SZT2: variants seen among roughly 807,000 people sequenced by gnomAD.
The protein encoded by SZT2 is SZT2 subunit of KICSTOR complex.
A neutral mutation model predicts 404.2 loss-of-function variants in SZT2; 216 were observed. The ratio of observed to expected loss-of-function variants is 0.53; its 90% CI spans 0.48 to 0.60. The LOEUF (loss-of-function observed/expected upper bound fraction) is 0.60, where lower values mean the gene tolerates loss of function less well. Among genes scored for constraint, SZT2 ranks in the 20% least tolerant of loss-of-function variants. The probability of loss-of-function intolerance (pLI) is 0.00; values close to 1 mark genes in which losing one functional copy is unlikely to be tolerated. For synonymous variants in SZT2, 1,693 were observed against 1,749.9 expected (o/e 0.97, Z 0.81); for missense variants, 3,857 against 4,459.2 (o/e 0.86, Z 3.85).
chr1:43,442,800 G>A lies in SZT2; in HGVS notation c.8152-19G>A, dbSNP rs370632875. 13 of 1,582,946 alleles carry A rather than the reference G, an allele frequency of 8.2e-6. No homozygotes were observed. The African/African-American group carries it at 1.5e-4, about 18-fold the overall frequency. On this transcript the variant is annotated intron_variant, in intron 58 of 71. Coordinates refer to ENST00000634258, the MANE Select transcript of SZT2 (RefSeq NM_001365999.1). The surrounding 1 kb of genome is among the most constrained non-coding windows in gnomAD (Gnocchi z 4.5). Reference sequence around the variant, plus strand: ...CGAGGGCAAAGGCTATGAACCCATTGCAATGCTCCATCTCTCAGGAGCCAA... The same window carrying A: ...CGAGGGCAAAGGCTATGAACCCATTACAATGCTCCATCTCTCAGGAGCCAA...
rs139763113 is a variant in SZT2, at chr1:43,425,323, G to A, written c.2645+116G>A. On this transcript the variant is annotated intron_variant, in intron 18 of 71. Transcript: ENST00000634258. This position sits in a 1 kb window ranked among gnomAD's most constrained non-coding sequence, Gnocchi z 4.3. ...TCTTGATCCCAAAGTCAGGGAGGGGGTGCGGTGTTTAGATGCTTCATCAGG... is the reference window on the plus strand; with the variant it reads ...TCTTGATCCCAAAGTCAGGGAGGGGATGCGGTGTTTAGATGCTTCATCAGG... 10 of 1,511,516 alleles carry A rather than the reference G, an allele frequency of 6.6e-6. No individual in the cohort carries two copies. The highest frequency in any genetic ancestry group is 1.2e-5 in the South Asian group (1 of 81,922). 93.6% of individuals were successfully genotyped at this position (1,511,516 alleles called of 1,614,324 possible). A position where few individuals can be genotyped will look rare whatever the true frequency, so the allele number is the denominator to read the frequency against.
In SZT2 at chr1:43,389,963, T is replaced by C. The variant is rs1306937013; in HGVS notation, c.-6T>C. 1 of 1,430,514 alleles carries C rather than the reference T, an allele frequency of 7.0e-7. No individual in the cohort carries two copies. Among genetic ancestry groups the C allele is most frequent in the East Asian group, 2.8e-5 (1 of 36,248 alleles). The allele number at this position is 1,430,514 out of a possible 1,614,324, so 88.6% of individuals were successfully genotyped here. A position where few individuals can be genotyped will look rare whatever the true frequency, so the allele number is the denominator to read the frequency against. ...CTGGCCCGGGCCGGCGCGGGAGGGC[T>C]GTGTGATGGCCTCGGAGCGCCCGGA... On this transcript the variant is annotated 5_prime_UTR_variant, in exon 1 of 72. Transcript: ENST00000634258.
intron 61 of SZT2, 58 bp from the exon 62 acceptor site, chr1:43,443,539 C>CA: frequency 6.2e-7 from 1 of 1,611,444 alleles, no homozygotes; most frequent in Non-Finnish European, 8.5e-7. Context: ...CCCCCTCCTC[C>CA]ATCCCCAGCA....
Position 43,426,749 on chromosome 1 carries a change from C to A in SZT2, c.3249C>A (p.Ile1083=). Residue 1083 remains isoleucine (I), a synonymous_variant, in exon 23 of 72, where the codon ATC becomes ATA. Coordinates refer to ENST00000634258, the MANE Select transcript of SZT2 (RefSeq NM_001365999.1). This position sits in a 1 kb window ranked among gnomAD's most constrained non-coding sequence, Gnocchi z 4.9. ...AEGPLLGVHG[I]PKEQAVGSTQ... is the part of the protein sequence containing the mutation. ...GGCCACTGCTGGGGGTTCATGGGATCCCGAAGGAGCAAGCAGTCGGCAGCA... is the reference window on the plus strand; with the variant it reads ...GGCCACTGCTGGGGGTTCATGGGATACCGAAGGAGCAAGCAGTCGGCAGCA... 6.2e-7 allele frequency: 1 copy of A among 1,613,468 alleles called. No individual in the cohort carries two copies. Among genetic ancestry groups the A allele is most frequent in the Non-Finnish European group, 8.5e-7 (1 of 1,179,778 alleles).
rs778704314 is a variant in SZT2 at position 43,404,356 on chromosome 1, T to C, written c.328-24T>C. ...GGTTAGGGCTGCCTTTGGACCCCCT[T>C]GAGTGCTCTTTCTCTGCCCTCAGGA... is the stretch of plus-strand genomic sequence containing the variant. On this transcript the variant is annotated intron_variant, in intron 3 of 71. Coordinates refer to ENST00000634258, the MANE Select transcript of SZT2 (RefSeq NM_001365999.1). The C allele has an allele frequency of 5.0e-6, 8 of 1,601,556 alleles. No individual in the cohort carries two copies. In the East Asian group the frequency reaches 9.0e-5, roughly 18 times the overall value.
rs1656567198 is a variant in SZT2 at position 43,452,606 on chromosome 1, C to T, written c.*2126C>T. 5 of 597,500 alleles carry T rather than the reference C, an allele frequency of 8.4e-6. No individual in the cohort carries two copies. In the South Asian group the frequency reaches 9.8e-5, roughly 12 times the overall value. 37.0% of individuals were successfully genotyped at this position (597,500 alleles called of 1,614,324 possible). A position where few individuals can be genotyped will look rare whatever the true frequency, so the allele number is the denominator to read the frequency against. ...TCCGCAACCTGTAACCTGCTAAATT[C>T]TCACCTTTAAAAATTGTCCTGACCT... On this transcript the variant is annotated 3_prime_UTR_variant, in exon 72 of 72. Transcript: ENST00000634258.
In SZT2 at chr1:43,421,251, G is replaced by T. The variant is rs776082591; in HGVS notation, c.1574G>T (p.Ser525Ile). The T allele has an allele frequency of 6.3e-7, 1 of 1,598,578 alleles. No homozygotes were observed. Among genetic ancestry groups the T allele is most frequent in the Admixed American group, 1.7e-5 (1 of 60,018 alleles). ...SVPEHFTLPD[S>I]TKSGVPLFYI... ...CCTGAGCATTTCACGCTTCCTGACAGCACCAAGAGCGGAGTGCCACTCTTC... is the reference window on the plus strand; with the variant it reads ...CCTGAGCATTTCACGCTTCCTGACATCACCAAGAGCGGAGTGCCACTCTTC... Residue 525 changes from serine (S) to isoleucine (I), a missense_variant, in exon 11 of 72, where the codon AGC (serine) becomes ATC (isoleucine). Coordinates refer to ENST00000634258, the MANE Select transcript of SZT2 (RefSeq NM_001365999.1).
At position 43,424,691 on chromosome 1, in the gene SZT2, TGC is replaced by T; in HGVS notation, c.2472-92_2472-91del. 8.8e-7 allele frequency: 1 copy of T among 1,136,030 alleles called. No homozygotes were observed. The allele number at this position is 1,136,030 out of a possible 1,614,324, so 70.4% of individuals were successfully genotyped here. On this transcript the variant is annotated intron_variant, in intron 16 of 71. Transcript: ENST00000634258. This position sits in a 1 kb window ranked among gnomAD's most constrained non-coding sequence, Gnocchi z 4.1. ...GCAGCAGACTTGGCTCCTTGAGGAC[TGC>T]TGGGAGGTGGGTGTATGTGGGGAGA... is the stretch of plus-strand genomic sequence containing the variant.
chr1:43,428,845 A>G (rs1243629597), intron 28 of SZT2: 1 of 248,590 alleles, frequency 4.0e-6, no homozygotes, highest in African/African-American at 2.2e-5. Context: ...CCAAAACTGT[A>G]TTTTGCTCAC....
rs760377271 is a variant in SZT2 at position 43,437,885 on chromosome 1, A to G, written c.6491A>G (p.His2164Arg). The change falls in exon 46 of 72, where the codon CAT (histidine) becomes CGT (arginine). Residue 2164 changes from histidine to arginine, a missense_variant. His to Arg is a conservative substitution (Grantham distance 29). Coordinates refer to ENST00000634258, the MANE Select transcript of SZT2 (RefSeq NM_001365999.1). The surrounding 1 kb of genome is among the most constrained non-coding windows in gnomAD (Gnocchi z 5.3). ...QVDRHIQLLV[H>R]GVGQAGPEIT... is the part of the protein sequence containing the mutation. ...GACAGACATATCCAGCTGCTGGTCCATGGTGTTGGGCAGGCAGGTAAGGTC... is the reference window on the plus strand; with the variant it reads ...GACAGACATATCCAGCTGCTGGTCCGTGGTGTTGGGCAGGCAGGTAAGGTC... The G allele has an allele frequency of 1.2e-6, 2 of 1,614,114 alleles. No homozygotes were observed. The highest frequency in any genetic ancestry group is 1.7e-6 in the Non-Finnish European group (2 of 1,180,022).
At chr1:43,393,738 G>T (rs978130382) in intron 1 of SZT2, among the ~76,000 whole-genome samples, 8 of 152,322 alleles carry the variant, frequency 5.3e-5, no homozygotes, top group African/African-American at 1.9e-4. Context: ...TAATGAGATG[G>T]ACCATGCTTC....
In SZT2 at chr1:43,439,688, C is replaced by T. The variant is rs776699964; in HGVS notation, c.6961C>T (p.Pro2321Ser). 160 of 1,611,826 alleles carry T rather than the reference C, an allele frequency of 9.9e-5. No individual in the cohort carries two copies. Among genetic ancestry groups the T allele is most frequent in the Non-Finnish European group, 1.3e-4 (154 of 1,178,958 alleles). Residue 2321 changes from proline to serine, a missense_variant, in exon 50 of 72, where the codon CCC becomes TCC. By Grantham distance (74) the Pro-to-Ser change is moderately conservative. Coordinates refer to ENST00000634258, the MANE Select transcript of SZT2 (RefSeq NM_001365999.1). This position sits in a 1 kb window ranked among gnomAD's most constrained non-coding sequence, Gnocchi z 4.2. ...GTTGTGGCCCCCCTCCTCTCCGGGG[C>T]CCCCAGACCCACTGCGAGAGGAGGA... ...LALWPPSSPG[P>S]PDPLREEEFE...
intron 1 of SZT2, among the ~76,000 whole-genome samples, chr1:43,391,807 C>T (rs1437159706): frequency 2.1e-4 from 4 of 19,000 alleles, no homozygotes; most frequent in South Asian, 1.6e-3. Flanking sequence ...CAAGGCCGGG[C>T]GCGGTGGCTC....
intron 1 of SZT2, among the ~76,000 whole-genome samples, chr1:43,392,501 G>A (rs1050085350): frequency 2.7e-5 from 4 of 147,692 alleles, no homozygotes; most frequent in Admixed American, 2.1e-4. Context: ...TGCAACCTCC[G>A]CCTCCCGGGT....
intron 11 of SZT2, 99 bp downstream of exon 11, chr1:43,421,402 C>A (rs1570625074): frequency 6.7e-7 from 1 of 1,496,030 alleles, no homozygotes; most frequent in South Asian, 1.3e-5. Flanking sequence ...TTCTGTCTCA[C>A]GTCTAAGGCA....
chr1:43,390,545 A>T (rs549027625), intron 1 of SZT2, among the ~76,000 whole-genome samples: 2 of 152,350 alleles, frequency 1.3e-5, no homozygotes, highest in South Asian at 4.1e-4. Context: ...TTCCTTCTTT[A>T]TAAAATATCT....
Position 43,422,530 on chromosome 1 carries a change from C to G in SZT2, c.1820C>G (p.Thr607Ser). 6.3e-7 allele frequency: 1 copy of G among 1,598,070 alleles called. No individual in the cohort carries two copies. The highest frequency in any genetic ancestry group is 1.1e-5 in the South Asian group (1 of 91,048). Residue 607 changes from threonine to serine, a missense_variant, in exon 13 of 72, where the codon ACT (threonine) becomes AGT (serine). Thr to Ser is a moderately conservative substitution (Grantham distance 58, BLOSUM62 1). This residue lies in a region of SZT2 where 1,725 missense variants were observed against 1,881.0 expected (regional missense o/e 0.92). Coordinates refer to ENST00000634258, the MANE Select transcript of SZT2 (RefSeq NM_001365999.1). ...CCGGGCAGCAATGGGCGCTACAGCA[C>G]TATCCAGTGCAGGATCTCCCACTCC... ...HTPGSNGRYS[T>S]IQCRISHSSL...
chr1:43,395,491 G>A (rs1446338954), intron 1 of SZT2, among the ~76,000 whole-genome samples: 1 of 152,160 alleles, frequency 6.6e-6, no homozygotes, highest in Non-Finnish European at 1.5e-5. Flanking sequence ...GTAGAGACAG[G>A]GTTTTGCCAT....
At chr1:43,422,700 T>G in intron 13 of SZT2, 68 bp downstream of exon 13, 1 of 1,034,542 alleles carries the variant, frequency 9.7e-7, no homozygotes. Context: ...CATGTCTCCC[T>G]CTAACCCCAG....
Sources: gnomAD v4.1 joint callset for allele counts (sites outside exome capture counted in the v4.1 genomes callset) on GRCh38, gnomAD v4.1.1 for gene constraint, gnomAD v4.1.1 regional missense constraint, Gnocchi (gnomAD v3.1) non-coding constraint, MANE v1.5 for transcripts, NCBI Gene and HGNC (gene_info 2026-07-23, HGNC 2026-07-21) for gene names.